EBF1: variants seen among roughly 807,000 people sequenced by gnomAD.
EBF1 encodes transcription factor COE1.
Under a neutral mutation model 68.4 loss-of-function variants are expected in EBF1, and 10 were observed. That is an observed-to-expected ratio of 0.15 (90% CI 0.09 to 0.25). The LOEUF is 0.25. Ranked by LOEUF, EBF1 falls within the 10% of genes least tolerant of loss-of-function variation. The pLI is 1.00. For synonymous variants in EBF1, 298 were observed against 299.8 expected (o/e 0.99, Z 0.06); for missense variants, 509 against 794.4 (o/e 0.64, Z 4.32).
intron 6 of EBF1, among the ~76,000 whole-genome samples, chr5:158,974,607 T>C (rs150140169): frequency 8.1e-4 from 123 of 152,308 alleles, no homozygotes; most frequent in African/African-American, 2.7e-3. Context: ...GGCGCTGTCA[T>C]GATCAATCGT....
intron 6 of EBF1, among the ~76,000 whole-genome samples, chr5:158,956,896 C>G (rs763008422): frequency 4.6e-5 from 7 of 151,882 alleles, no homozygotes; most frequent in Non-Finnish European, 1.0e-4. Context: ...GTAGCTGGGA[C>G]TACAGGCGCC....
intron 9 of EBF1, among the ~76,000 whole-genome samples, chr5:158,793,422 C>A (rs770427859): frequency 6.6e-6 from 1 of 152,200 alleles, no homozygotes. Flanking sequence ...AAACAACCAT[C>A]ATCACTACTA....
At chr5:158,809,277 T>C (rs1782169997) in intron 8 of EBF1, among the ~76,000 whole-genome samples, 1 of 152,178 alleles carries the variant, frequency 6.6e-6, no homozygotes, top group Non-Finnish European at 1.5e-5. Context: ...CATTCCACTT[T>C]ACAAATGACA....
chr5:158,945,313 A>G (rs1244247640), intron 6 of EBF1, among the ~76,000 whole-genome samples: 2 of 152,168 alleles, frequency 1.3e-5, no homozygotes, highest in Admixed American at 6.5e-5. Flanking sequence ...TCCCAACGCC[A>G]TTTATTAAAT....
chr5:158,765,314 G>A (rs998028904), intron 10 of EBF1, among the ~76,000 whole-genome samples: 1 of 152,030 alleles, frequency 6.6e-6, no homozygotes, highest in Non-Finnish European at 1.5e-5. Flanking sequence ...TCTAAACCTC[G>A]CTACAAGCTC....
At chr5:159,018,592 GCA>G (rs1388456504) in intron 6 of EBF1, among the ~76,000 whole-genome samples, 1 of 152,202 alleles carries the variant, frequency 6.6e-6, no homozygotes, top group Non-Finnish European at 1.5e-5. Flanking sequence ...ATAATTGCAT[GCA>G]CAGTGAGAAT....
chr5:158,911,558 G>T (rs1467707829), intron 6 of EBF1, among the ~76,000 whole-genome samples: 1 of 152,010 alleles, frequency 6.6e-6, no homozygotes, highest in Non-Finnish European at 1.5e-5. Context: ...CTCATCTAAA[G>T]CCAAGCTATA....
At chr5:159,044,114 T>C (rs1022998775) in intron 6 of EBF1, among the ~76,000 whole-genome samples, 3 of 152,226 alleles carry the variant, frequency 2.0e-5, no homozygotes, top group African/African-American at 7.2e-5. Flanking sequence ...AGCTATGTTA[T>C]TATATCTAAA....
intron 6 of EBF1, among the ~76,000 whole-genome samples, chr5:158,923,220 C>T (rs180796961): frequency 8.5e-5 from 13 of 152,306 alleles, no homozygotes; most frequent in African/African-American, 2.6e-4. Context: ...AACACCCTTC[C>T]AATGGGGGTA....
At chr5:158,719,596 G>A (rs1761502961) in intron 11 of EBF1, among the ~76,000 whole-genome samples, 1 of 152,126 alleles carries the variant, frequency 6.6e-6, no homozygotes, top group Non-Finnish European at 1.5e-5. Context: ...AGAGTGAAGG[G>A]AAAGGTTGTC....
At chr5:159,082,169 AATC>A (rs900139508) in intron 5 of EBF1, among the ~76,000 whole-genome samples, 1 of 151,972 alleles carries the variant, frequency 6.6e-6, no homozygotes, top group Admixed American at 6.6e-5. Flanking sequence ...AACAAAACAG[AATC>A]ATACCAAGCC....
Position 159,099,792 on chromosome 5 carries a change from G to A in EBF1, c.-314C>T, listed in dbSNP as rs1363333437. On this transcript the variant is annotated 5_prime_UTR_variant, in exon 1 of 16. Transcript: ENST00000313708. ...GGGGTTGTTTGGTTGGTTGATTTTT[G>A]GTTTGGGTGCTTTTTTTTTTTTTTT... is the stretch of plus-strand genomic sequence containing the variant. 1.2e-5 allele frequency: 2 copies of A among 163,546 alleles called. No homozygotes were observed. The highest frequency in any genetic ancestry group is 2.5e-5 in the Non-Finnish European group (2 of 81,248). The allele number at this position is 163,546 out of a possible 1,614,324, so 10.1% of individuals were successfully genotyped here.
chr5:158,792,417 T>G lies in EBF1; in HGVS notation c.909+3928A>C, dbSNP rs553895482. Among the ~76,000 whole-genome samples, 240 of 152,304 alleles carry G rather than the reference T, an allele frequency of 1.6e-3. 1 individual carries two copies. The highest frequency in any genetic ancestry group is 3.0e-3 in the Non-Finnish European group (207 of 68,032). ...CCATGAGCTAAACTGAACTACTCATTGGCAGAAGATTGGATTGGTAGGGAA... is the reference window on the plus strand; with the variant it reads ...CCATGAGCTAAACTGAACTACTCATGGGCAGAAGATTGGATTGGTAGGGAA... On this transcript the variant is annotated intron_variant, in intron 9 of 15. Coordinates refer to ENST00000313708, the MANE Select transcript of EBF1 (RefSeq NM_024007.5).
At chr5:158,839,346 C>T (rs555248499) in intron 7 of EBF1, among the ~76,000 whole-genome samples, 15 of 152,150 alleles carry the variant, frequency 9.9e-5, no homozygotes, top group African/African-American at 1.4e-4. Context: ...GCAGTTTTAC[C>T]AGTTGTACTC....
chr5:158,825,553 A>G (rs1380945423), intron 7 of EBF1, among the ~76,000 whole-genome samples: 1 of 151,532 alleles, frequency 6.6e-6, no homozygotes. Context: ...TACAAACTTA[A>G]GGCTTAAAAT....
intron 6 of EBF1, among the ~76,000 whole-genome samples, chr5:159,016,182 C>G (rs1765584983): frequency 6.6e-6 from 1 of 152,190 alleles, no homozygotes; most frequent in Non-Finnish European, 1.5e-5. Flanking sequence ...TCTGTACAAA[C>G]ATTCCATACA....
chr5:158,709,509 A>G (rs2127479184), intron 14 of EBF1, among the ~76,000 whole-genome samples: 1 of 152,318 alleles, frequency 6.6e-6, no homozygotes, highest in East Asian at 1.9e-4. Context: ...CCTCGTTCCC[A>G]TGAGCCCACC....
chr5:158,940,777 C>CCCCT (rs1554083360), intron 6 of EBF1, among the ~76,000 whole-genome samples: 1 of 51,660 alleles, frequency 1.9e-5, no homozygotes, highest in Non-Finnish European at 6.8e-5. Context: ...CCCCCCCCCC[C>CCCCT]CCGCAGGTCA....
intron 6 of EBF1, among the ~76,000 whole-genome samples, chr5:158,878,552 G>A (rs904936137): frequency 6.6e-6 from 1 of 151,784 alleles, no homozygotes; most frequent in Non-Finnish European, 1.5e-5. Flanking sequence ...GTATATACTA[G>A]TACTGCCTTC....
Sources: gnomAD v4.1 joint callset for allele counts (sites outside exome capture counted in the v4.1 genomes callset) on GRCh38, gnomAD v4.1.1 for gene constraint, MANE v1.5 for transcripts, NCBI Gene and HGNC (gene_info 2026-07-23, HGNC 2026-07-21) for gene names.